The following RIMS1 variants were observed in gnomAD, a reference collection of about 807,000 sequenced individuals.
RIMS1 encodes the protein regulating synaptic membrane exocytosis 1.
A neutral mutation model predicts 214.1 loss-of-function variants in RIMS1; 83 were observed. The ratio of observed to expected loss-of-function variants is 0.39; its 90% confidence interval spans 0.32 to 0.47. The LOEUF is 0.47. Ranked by LOEUF, RIMS1 falls within the 20% of genes least tolerant of loss-of-function variation. The probability of loss-of-function intolerance (pLI) is 0.99; values close to 1 mark genes in which losing one functional copy is unlikely to be tolerated. For missense variants in RIMS1, 2,050 were observed against 2,161.8 expected (o/e 0.95, Z 1.03); for synonymous variants, 793 against 786.8 (o/e 1.01, Z -0.13).
Position 72,341,895 on chromosome 6 carries a change from A to G in RIMS1, c.4366+8060A>G, listed in dbSNP as rs141464844. ...TTTGTTAGCATAATATCTTTTCTCCAAATACTGACAAGATGTTGATGTTTA... is the reference window on the plus strand; with the variant it reads ...TTTGTTAGCATAATATCTTTTCTCCGAATACTGACAAGATGTTGATGTTTA... On this transcript the variant is annotated intron_variant, in intron 29 of 33. Transcript: ENST00000521978. Among the ~76,000 whole-genome samples the G allele has an allele frequency of 4.5e-4, 68 of 151,910 alleles. 1 individual carries two copies. Among genetic ancestry groups the G allele is most frequent in the African/African-American group, 1.6e-3 (66 of 41,526 alleles).
At chr6:71,924,379 T>TA (rs1200671104) in intron 1 of RIMS1, among the ~76,000 whole-genome samples, 6 of 151,934 alleles carry the variant, frequency 3.9e-5, no homozygotes, top group African/African-American at 1.5e-4. Flanking sequence ...CTCAGGTTAG[T>TA]TCCAGTAAAG....
At chr6:71,958,314 A>C (rs559828405) in intron 1 of RIMS1, among the ~76,000 whole-genome samples, 14 of 152,288 alleles carry the variant, frequency 9.2e-5, no homozygotes, top group African/African-American at 3.4e-4. Flanking sequence ...GGAACACACT[A>C]CCATTTCATA....
At chr6:72,379,193 A>T (rs1277054324) in intron 29 of RIMS1, among the ~76,000 whole-genome samples, 1 of 152,230 alleles carries the variant, frequency 6.6e-6, no homozygotes, top group Non-Finnish European at 1.5e-5. Flanking sequence ...GCACACACAG[A>T]TAGTGTTTAA....
chr6:72,174,310 T>C (rs2047423155), intron 4 of RIMS1, among the ~76,000 whole-genome samples: 1 of 152,084 alleles, frequency 6.6e-6, no homozygotes, highest in South Asian at 2.1e-4. Flanking sequence ...TTTGTAAGAG[T>C]ATAGGGTTTG....
chr6:72,271,430 T>G (rs1401248669), intron 22 of RIMS1, among the ~76,000 whole-genome samples: 1 of 151,372 alleles, frequency 6.6e-6, no homozygotes, highest in Non-Finnish European at 1.5e-5. Flanking sequence ...AGTTATCTCA[T>G]TTGTTTTGGT....
chr6:71,984,743 G>GTGTATGTA (rs68138613), intron 2 of RIMS1, among the ~76,000 whole-genome samples: 3,289 of 148,874 alleles, frequency 0.022, 132 homozygotes, highest in African/African-American at 0.065. Flanking sequence ...GTATCCATCT[G>GTGTATGTA]TGTATGTATG....
At chr6:72,115,148 A>G (rs2036829371) in intron 4 of RIMS1, among the ~76,000 whole-genome samples, 1 of 151,956 alleles carries the variant, frequency 6.6e-6, no homozygotes, top group Admixed American at 6.6e-5. Context: ...ATTTATTATT[A>G]ATTGGAATGT....
chr6:71,929,006 T>A (rs1357474876), intron 1 of RIMS1, among the ~76,000 whole-genome samples: 2 of 152,170 alleles, frequency 1.3e-5, no homozygotes, highest in African/African-American at 4.8e-5. Context: ...TTGTGCTATT[T>A]TTTGGTAAGA....
chr6:72,010,856 A>T (rs922725347), intron 2 of RIMS1, among the ~76,000 whole-genome samples: 13 of 152,248 alleles, frequency 8.5e-5, no homozygotes, highest in Non-Finnish European at 1.5e-4. Context: ...AGAACATTCC[A>T]TATTCATGGG....
At position 71,973,760 on chromosome 6, in the gene RIMS1, AG is replaced by A. The variant is rs538204315; in HGVS notation, c.245+4701del. On this transcript the variant is annotated intron_variant, in intron 2 of 33. Coordinates refer to ENST00000521978, the MANE Select transcript of RIMS1 (RefSeq NM_014989.7). ...GTGTCACTGATAGATCCTAGCGAGA[AG>A]GGGCCGGCATACCTCCAAGGGCCAA... Among the ~76,000 whole-genome samples, 16 of 152,280 alleles carry A rather than the reference AG, an allele frequency of 1.1e-4. No homozygotes were observed. The South Asian group carries it at 3.3e-3, about 32-fold the overall frequency.
chr6:72,338,290 G>A (rs184585295), intron 29 of RIMS1, among the ~76,000 whole-genome samples: 13 of 151,884 alleles, frequency 8.6e-5, no homozygotes, highest in Non-Finnish European at 1.6e-4. Context: ...ATTTTAACTG[G>A]TGTAAGATGG....
intron 2 of RIMS1, among the ~76,000 whole-genome samples, chr6:72,023,796 T>C (rs1286386289): frequency 6.6e-6 from 1 of 152,150 alleles, no homozygotes; most frequent in Non-Finnish European, 1.5e-5. Flanking sequence ...ATTTACTTCA[T>C]AGAGATATTT....
At chr6:72,392,560 A>C (rs769899110) in intron 30 of RIMS1, 138 bp from the exon 31 acceptor site, 65 of 718,738 alleles carry the variant, frequency 9.0e-5, no homozygotes, top group Non-Finnish European at 2.2e-5. Context: ...AAGGCAATGC[A>C]AAGAATCAAT....
At chr6:71,924,184 G>A (rs985064271) in intron 1 of RIMS1, among the ~76,000 whole-genome samples, 1 of 152,172 alleles carries the variant, frequency 6.6e-6, no homozygotes, top group Non-Finnish European at 1.5e-5. Flanking sequence ...CTAGGTTAGA[G>A]TTTATAATAT....
chr6:72,391,797 C>G (rs2154441239), intron 30 of RIMS1, among the ~76,000 whole-genome samples: 1 of 152,214 alleles, frequency 6.6e-6, no homozygotes, highest in Admixed American at 6.5e-5. Flanking sequence ...ACAAAATACC[C>G]ATATTTGATG....
At chr6:71,919,005 T>G (rs1393120504) in intron 1 of RIMS1, among the ~76,000 whole-genome samples, 1 of 152,160 alleles carries the variant, frequency 6.6e-6, no homozygotes, top group Admixed American at 6.6e-5. Flanking sequence ...AAGCAAATCT[T>G]AAAGGCATAC....
At chr6:71,940,712 A>C (rs1467098839) in intron 1 of RIMS1, among the ~76,000 whole-genome samples, 1 of 152,204 alleles carries the variant, frequency 6.6e-6, no homozygotes, top group African/African-American at 2.4e-5. Context: ...TTGGCGAGGT[A>C]AGTTGGCCAA....
chr6:72,166,236 T>TGA lies in RIMS1; in HGVS notation c.472-13326_472-13325dup, dbSNP rs567933630. Among the ~76,000 whole-genome samples, 520 of 147,604 alleles carry TGA rather than the reference T, an allele frequency of 3.5e-3. 1 individual carries two copies. Among genetic ancestry groups the TGA allele is most frequent in the Middle Eastern group, 0.021 (6 of 282 alleles). The stretch of plus-strand genomic sequence containing the variant: ...CACACACACATGCACACATACACAG[T>TGA]GAGAGAGAGAGAGACAGAGACAGAG... On this transcript the variant is annotated intron_variant, in intron 4 of 33. Transcript: ENST00000521978.
At chr6:72,144,253 C>T (rs147323136) in intron 4 of RIMS1, among the ~76,000 whole-genome samples, 248 of 152,236 alleles carry the variant, frequency 1.6e-3, no homozygotes, top group Middle Eastern at 0.01. Flanking sequence ...CTTGCCAATG[C>T]CTCAATGGTT....
Sources: gnomAD v4.1 joint callset for allele counts (sites outside exome capture counted in the v4.1 genomes callset) on GRCh38, gnomAD v4.1.1 for gene constraint, MANE v1.5 for transcripts, NCBI Gene and HGNC (gene_info 2026-07-23, HGNC 2026-07-21) for gene names.